Variants in HPCAL1 observed in about 807,000 individuals in gnomAD.
The protein encoded by HPCAL1 is hippocalcin-like protein 1.
In HPCAL1, 8 loss-of-function variants were observed where a neutral mutation model predicts 17.1. The ratio of observed to expected loss-of-function variants is 0.47; its 90% confidence interval spans 0.27 to 0.84. HPCAL1 has a LOEUF of 0.84. Ranked by LOEUF, HPCAL1 falls within the 40% of genes least tolerant of loss-of-function variation. The pLI is 0.13. For synonymous variants in HPCAL1, 112 were observed against 111.4 expected, an observed-to-expected ratio of 1.01 and a Z score of -0.03; for missense variants, 165 against 271.1, an observed-to-expected ratio of 0.61 and a Z score of 2.75.
At chr2:10,350,961 G>A (rs1022882264) in intron 1 of HPCAL1, among the ~76,000 whole-genome samples, 6 of 152,190 alleles carry the variant, frequency 3.9e-5, no homozygotes, top group African/African-American at 9.7e-5. Context: ...ACCCTCATAC[G>A]CTGTTGGTAG....
At chr2:10,399,282 A>ACCATCATCACCGCCG (rs1669318684) in intron 2 of HPCAL1, among the ~76,000 whole-genome samples, 2 of 137,406 alleles carry the variant, frequency 1.5e-5, no homozygotes, top group African/African-American at 2.9e-5. Context: ...CACCACCATC[A>ACCATCATCACCGCCG]CCACCACCAC....
Position 10,427,000 on chromosome 2 carries a change from T to G in HPCAL1, c.*179T>G. 5.0e-6 allele frequency: 3 copies of G among 599,808 alleles called. No homozygotes were observed. The highest frequency in any genetic ancestry group is 9.0e-6 in the Non-Finnish European group (3 of 332,810). 37.2% of individuals were successfully genotyped at this position (599,808 alleles called of 1,614,324 possible). ...CCTCCTCCACCTGACCAACGCGACA[T>G]TCCTCCCCTCACGCCTGGCCCGGTC... On this transcript the variant is annotated 3_prime_UTR_variant, in exon 5 of 5. Coordinates refer to ENST00000307845, the MANE Select transcript of HPCAL1 (RefSeq NM_002149.4).
At chr2:10,420,737 CAAAT>C (rs1671013100) in intron 3 of HPCAL1, among the ~76,000 whole-genome samples, 1 of 152,136 alleles carries the variant, frequency 6.6e-6, no homozygotes, top group African/African-American at 2.4e-5. Flanking sequence ...GTCTGAGACT[CAAAT>C]AGATGAATTT....
At chr2:10,315,001 A>G (rs1663214459) in intron 1 of HPCAL1, among the ~76,000 whole-genome samples, 1 of 152,188 alleles carries the variant, frequency 6.6e-6, no homozygotes, top group African/African-American at 2.4e-5. Context: ...CAAGATAAAG[A>G]ATTATGCAGG....
chr2:10,379,771 A>G (rs1667825469), intron 1 of HPCAL1, among the ~76,000 whole-genome samples: 1 of 152,260 alleles, frequency 6.6e-6, no homozygotes, highest in African/African-American at 2.4e-5. Context: ...GGTTAAAGGC[A>G]GGCTTTGCAC....
intron 1 of HPCAL1, among the ~76,000 whole-genome samples, chr2:10,329,298 T>C (rs1664205587): frequency 6.6e-6 from 1 of 152,206 alleles, no homozygotes; most frequent in Non-Finnish European, 1.5e-5. Flanking sequence ...GGCTTTGCTA[T>C]GTGATGAAGA....
At chr2:10,325,316 G>A (rs1216020426) in intron 1 of HPCAL1, among the ~76,000 whole-genome samples, 1 of 152,188 alleles carries the variant, frequency 6.6e-6, no homozygotes, top group Non-Finnish European at 1.5e-5. Flanking sequence ...TCAGTTCACA[G>A]GTGTGCTCTC....
chr2:10,357,676 G>A (rs1311824212), intron 1 of HPCAL1, among the ~76,000 whole-genome samples: 1 of 152,216 alleles, frequency 6.6e-6, no homozygotes, highest in African/African-American at 2.4e-5. Context: ...CCCATGAGGT[G>A]TTTGTAGAAC....
intron 1 of HPCAL1, 74 bp downstream of exon 1, chr2:10,303,251 G>T (rs1378750416): frequency 1.3e-5 from 2 of 152,308 alleles, no homozygotes; most frequent in East Asian, 1.9e-4. Context: ...CGTGTGCACC[G>T]GCGAGCGCTG....
Position 10,384,092 on chromosome 2 carries a change from C to T in HPCAL1, c.-110-12743C>T, listed in dbSNP as rs139548704. On this transcript the variant is annotated intron_variant, in intron 1 of 4. Transcript: ENST00000307845. The surrounding 1 kb of genome is among the most constrained non-coding windows in gnomAD (Gnocchi z 4.4). Reference sequence around the variant, plus strand: ...GGTAAGCTGGCTCCATGGCAAGAATCAGCATCCTAATACTTGCCCCACCCT... The same window carrying T: ...GGTAAGCTGGCTCCATGGCAAGAATTAGCATCCTAATACTTGCCCCACCCT... Among the ~76,000 whole-genome samples the T allele has an allele frequency of 2.2e-3, 333 of 152,250 alleles. No individual in the cohort carries two copies. Among genetic ancestry groups the T allele is most frequent in the Middle Eastern group, 0.01 (3 of 294 alleles).
chr2:10,401,308 C>A (rs1669594751), intron 2 of HPCAL1, among the ~76,000 whole-genome samples: 1 of 152,218 alleles, frequency 6.6e-6, no homozygotes. Context: ...CTCTCAGTTA[C>A]CCCCTAGAAT....
chr2:10,410,557 C>T (rs1670296155), intron 2 of HPCAL1, among the ~76,000 whole-genome samples: 1 of 149,406 alleles, frequency 6.7e-6, no homozygotes, highest in Admixed American at 6.7e-5. Flanking sequence ...TTTCCATCAC[C>T]GTGAATTACA....
intron 1 of HPCAL1, among the ~76,000 whole-genome samples, chr2:10,391,614 T>C (rs1558510979): frequency 1.3e-5 from 2 of 152,216 alleles, no homozygotes; most frequent in African/African-American, 2.4e-5. Flanking sequence ...TGCTAGCCCC[T>C]CTTTCCCCAT....
intron 1 of HPCAL1, among the ~76,000 whole-genome samples, chr2:10,366,208 A>T (rs1666841423): frequency 6.6e-6 from 1 of 152,120 alleles, no homozygotes; most frequent in African/African-American, 2.4e-5. Context: ...TAAGGAGCAA[A>T]GTCTCATAAT....
chr2:10,363,929 C>A lies in HPCAL1; in HGVS notation c.-110-32906C>A, dbSNP rs1292846390. 1.3e-5 allele frequency among the ~76,000 whole-genome samples: 2 copies of A among 152,222 alleles called. No homozygotes were observed. The highest frequency in any genetic ancestry group is 2.9e-5 in the Non-Finnish European group (2 of 68,040). ...CGTTTAGTGCCCTGAGCCGACTCAG[C>A]TGGTGCTCAGGGAGGCCTGATGATT... On this transcript the variant is annotated intron_variant, in intron 1 of 4. Transcript: ENST00000307845. The surrounding 1 kb of genome is among the most constrained non-coding windows in gnomAD (Gnocchi z 4.7).
rs555463833 is a variant in HPCAL1 at position 10,344,735 on chromosome 2, A to C, written c.-111+41558A>C. Among the ~76,000 whole-genome samples, 1 of 150,076 alleles carries C rather than the reference A, an allele frequency of 6.7e-6. No homozygotes were observed. The highest frequency in any genetic ancestry group is 6.6e-5 in the Admixed American group (1 of 15,104). Reference sequence around the variant, plus strand: ...TCTCTGTGTCTGTCTGTCTGTCTCTATGTGTCTGTTTCTCTCTCCCTCTTT... The same window carrying C: ...TCTCTGTGTCTGTCTGTCTGTCTCTCTGTGTCTGTTTCTCTCTCCCTCTTT... On this transcript the variant is annotated intron_variant, in intron 1 of 4. Transcript: ENST00000307845. The surrounding 1 kb of genome is among the most constrained non-coding windows in gnomAD (Gnocchi z 4.9).
chr2:10,372,940 G>A, intron 1 of HPCAL1, among the ~76,000 whole-genome samples: 1 of 152,200 alleles, frequency 6.6e-6, no homozygotes, highest in East Asian at 1.9e-4. Flanking sequence ...CATGACTTCA[G>A]CCCCTCCTGC....
At chr2:10,348,442 C>G (rs946810195) in intron 1 of HPCAL1, among the ~76,000 whole-genome samples, 8 of 151,798 alleles carry the variant, frequency 5.3e-5, no homozygotes, top group African/African-American at 1.9e-4. Flanking sequence ...GAGCAAGACT[C>G]CATCTCAAAA....
rs943819729 is a variant in HPCAL1 at position 10,344,652 on chromosome 2, C to T, written c.-111+41475C>T. Among the ~76,000 whole-genome samples, 4 of 152,190 alleles carry T rather than the reference C, an allele frequency of 2.6e-5. No individual in the cohort carries two copies. The highest frequency in any genetic ancestry group is 5.9e-5 in the Non-Finnish European group (4 of 68,032). ...ATGAGTAAGACGGGCGTCCCACACT[C>T]CACAGTACTCTGCTCCCCCTTCCCT... On this transcript the variant is annotated intron_variant, in intron 1 of 4. Transcript: ENST00000307845. This position sits in a 1 kb window ranked among gnomAD's most constrained non-coding sequence, Gnocchi z 4.9.
Sources: gnomAD v4.1 joint callset for allele counts (sites outside exome capture counted in the v4.1 genomes callset) on GRCh38, gnomAD v4.1.1 for gene constraint, Gnocchi (gnomAD v3.1) non-coding constraint, MANE v1.5 for transcripts, NCBI Gene and HGNC (gene_info 2026-07-23, HGNC 2026-07-21) for gene names.